The following LAMA2 variants were observed in gnomAD, a reference collection of about 807,000 sequenced individuals.
The protein encoded by LAMA2 is laminin subunit alpha 2.
LAMA2 carries 269 observed loss-of-function variants against 364.8 expected under a neutral mutation model. The ratio of observed to expected loss-of-function variants is 0.74; its 90% CI spans 0.67 to 0.82. The LOEUF (loss-of-function observed/expected upper bound fraction) is 0.82. Ranked by LOEUF, LAMA2 falls within the 40% of genes least tolerant of loss-of-function variation. LAMA2 has a pLI of 0.00. For synonymous variants in LAMA2, 1,379 were observed against 1,370.6 expected, an observed-to-expected ratio of 1.01 and a Z score of -0.14; for missense variants, 3,807 against 3,873.2, an observed-to-expected ratio of 0.98 and a Z score of 0.45.
chr6:129,142,050 C>T (rs999700464), intron 4 of LAMA2, among the ~76,000 whole-genome samples: 1 of 152,034 alleles, frequency 6.6e-6, no homozygotes, highest in African/African-American at 2.4e-5. Flanking sequence ...AGAGATTCCT[C>T]ATTCTTTTTT....
intron 3 of LAMA2, among the ~76,000 whole-genome samples, chr6:129,062,506 A>G (rs947453909): frequency 1.3e-5 from 2 of 152,120 alleles, no homozygotes; most frequent in African/African-American, 2.4e-5. Flanking sequence ...CCTGGCTTCT[A>G]TGGGATAATA....
At chr6:128,981,261 A>G (rs1782846307) in intron 1 of LAMA2, among the ~76,000 whole-genome samples, 1 of 152,118 alleles carries the variant, frequency 6.6e-6, no homozygotes, top group Non-Finnish European at 1.5e-5. Flanking sequence ...GTCTCCTTGC[A>G]ATGATCTCTC....
chr6:128,984,718 C>T (rs1010396561), intron 1 of LAMA2, among the ~76,000 whole-genome samples: 24 of 150,182 alleles, frequency 1.6e-4, no homozygotes, highest in African/African-American at 5.6e-4. Flanking sequence ...TTTCATCTGA[C>T]TTTATAGTTT....
intron 3 of LAMA2, among the ~76,000 whole-genome samples, chr6:129,092,645 G>T (rs1774914536): frequency 6.6e-6 from 1 of 152,190 alleles, no homozygotes; most frequent in South Asian, 2.1e-4. Context: ...ATTTGCTATA[G>T]GAGTTCAGGG....
chr6:129,477,936 C>T (rs977940199), intron 53 of LAMA2, among the ~76,000 whole-genome samples: 5 of 152,066 alleles, frequency 3.3e-5, no homozygotes, highest in Non-Finnish European at 5.9e-5. Flanking sequence ...AGGCACACAC[C>T]AACATGCCCA....
intron 50 of LAMA2, 144 bp downstream of exon 50, chr6:129,464,596 G>T: frequency 1.3e-6 from 1 of 761,326 alleles, no homozygotes; most frequent in Non-Finnish European, 2.4e-6. Flanking sequence ...GCCAAGAATG[G>T]GTGATACAGA....
intron 4 of LAMA2, among the ~76,000 whole-genome samples, chr6:129,134,552 A>AG (rs1345078517): frequency 6.6e-6 from 1 of 152,122 alleles, no homozygotes; most frequent in Non-Finnish European, 1.5e-5. Flanking sequence ...TGGAATTGAC[A>AG]GGGGGGATGG....
In LAMA2 at chr6:129,159,118, C is replaced by T. The variant is rs1278081445; in HGVS notation, c.1206+4435C>T. On this transcript the variant is annotated intron_variant, in intron 8 of 64. Transcript: ENST00000421865. The stretch of plus-strand genomic sequence containing the variant: ...ATCTGATGTAAATGTATAGCTGAGT[C>T]ATTGTTCAATTGTAATGTTTCCTGT... 1.9e-6 allele frequency: 3 copies of T among 1,574,546 alleles called. No homozygotes were observed. In the East Asian group the frequency reaches 6.7e-5, roughly 35 times the overall value.
At chr6:129,194,210 T>TAAA (rs535555128) in intron 12 of LAMA2, among the ~76,000 whole-genome samples, 2 of 148,272 alleles carry the variant, frequency 1.3e-5, no homozygotes, top group African/African-American at 2.5e-5. Flanking sequence ...ACTGTCAATT[T>TAAA]AAAAAAAAAA....
At chr6:128,924,374 G>A (rs902706202) in intron 1 of LAMA2, among the ~76,000 whole-genome samples, 7 of 151,974 alleles carry the variant, frequency 4.6e-5, no homozygotes, top group Non-Finnish European at 1.5e-5. Flanking sequence ...ACATTTATTA[G>A]TGTTCAATTC....
At chr6:129,436,703 T>C (rs1156705931) in intron 41 of LAMA2, among the ~76,000 whole-genome samples, 1 of 152,164 alleles carries the variant, frequency 6.6e-6, no homozygotes, top group Non-Finnish European at 1.5e-5. Flanking sequence ...ACACTTGGCA[T>C]TATCATACAT....
At chr6:129,390,558 A>G (rs1293810347) in intron 35 of LAMA2, among the ~76,000 whole-genome samples, 1 of 152,042 alleles carries the variant, frequency 6.6e-6, no homozygotes, top group Non-Finnish European at 1.5e-5. Context: ...AGGAGTTTTC[A>G]AAGGTAATAT....
intron 3 of LAMA2, among the ~76,000 whole-genome samples, chr6:129,083,532 TAAAA>T (rs1466168068): frequency 6.6e-6 from 1 of 152,134 alleles, no homozygotes; most frequent in African/African-American, 2.4e-5. Context: ...ATTGCAATAA[TAAAA>T]ACAAACAAAC....
chr6:129,145,082 T>C (rs1778354068), intron 5 of LAMA2, among the ~76,000 whole-genome samples: 2 of 151,988 alleles, frequency 1.3e-5, no homozygotes. Flanking sequence ...TGACTAGAGG[T>C]ATAGCTAAGA....
chr6:129,032,674 A>G (rs1266067111), intron 1 of LAMA2, among the ~76,000 whole-genome samples: 1 of 152,214 alleles, frequency 6.6e-6, no homozygotes, highest in Non-Finnish European at 1.5e-5. Context: ...TAAAGAAAGG[A>G]TAAGGGTAGT....
intron 4 of LAMA2, among the ~76,000 whole-genome samples, chr6:129,102,990 T>C (rs1347049965): frequency 6.6e-6 from 1 of 152,212 alleles, no homozygotes; most frequent in East Asian, 1.9e-4. Context: ...AGTCCTGGAA[T>C]CCAACTTTTG....
At chr6:129,043,490 A>G (rs1787248568) in intron 1 of LAMA2, among the ~76,000 whole-genome samples, 1 of 151,936 alleles carries the variant, frequency 6.6e-6, no homozygotes, top group East Asian at 1.9e-4. Flanking sequence ...TATATTCAAT[A>G]TTTTTTGTTG....
intron 1 of LAMA2, among the ~76,000 whole-genome samples, chr6:129,044,295 A>G (rs779522400): frequency 7.2e-5 from 11 of 152,124 alleles, no homozygotes; most frequent in Non-Finnish European, 1.3e-4. Flanking sequence ...TTAAAAATAG[A>G]ACCTCCATAA....
intron 1 of LAMA2, among the ~76,000 whole-genome samples, chr6:128,949,618 CTT>C (rs764244609): frequency 2.6e-5 from 4 of 152,006 alleles, no homozygotes; most frequent in Non-Finnish European, 5.9e-5. Flanking sequence ...AAGGATGTCT[CTT>C]TGCAACTGAG....
Sources: allele counts gnomAD v4.1 joint callset (sites outside exome capture counted in the v4.1 genomes callset), GRCh38; gene constraint gnomAD v4.1.1; transcripts MANE v1.5; gene names NCBI Gene and HGNC (gene_info 2026-07-23, HGNC 2026-07-21).